ETV5: variants seen among roughly 807,000 people sequenced by gnomAD.
ETV5 encodes ETS translocation variant 5.
A neutral mutation model predicts 70.0 loss-of-function variants in ETV5; 10 were observed. The ratio of observed to expected loss-of-function variants is 0.14; its 90% confidence interval spans 0.09 to 0.24. The LOEUF is 0.24. Among genes scored for constraint, ETV5 ranks in the 10% least tolerant of loss-of-function variants. ETV5 has a pLI of 1.00. For missense variants in ETV5, 453 were observed against 651.2 expected (o/e 0.70, Z 3.31); for synonymous variants, 216 against 242.2 (o/e 0.89, Z 1.01).
chr3:186,073,016 T>C lies in ETV5; in HGVS notation c.650+6801A>G, dbSNP rs573109148. 1.2e-4 allele frequency among the ~76,000 whole-genome samples: 19 copies of C among 152,094 alleles called. 1 individual carries two copies. The South Asian group carries it at 3.5e-3, about 28-fold the overall frequency. On this transcript the variant is annotated intron_variant, in intron 7 of 12. Coordinates refer to ENST00000306376, the MANE Select transcript of ETV5 (RefSeq NM_004454.3). ...GTGTGGTGGTGTACTCCTGTAATCT[T>C]AGCTACTAGGGAGGCTAAGGCAGGA...
rs556850976 is a variant in ETV5 at position 186,047,092 on chromosome 3, G to A, written c.*1547C>T. ...AGTCAGCACTGCCTCCTTCACATAC[G>A]AGGAACAGTGTAGTCATTCTTAATG... On this transcript the variant is annotated 3_prime_UTR_variant, in exon 13 of 13. Coordinates refer to ENST00000306376, the MANE Select transcript of ETV5 (RefSeq NM_004454.3). 25 of 227,964 alleles carry A rather than the reference G, an allele frequency of 1.1e-4. No homozygotes were observed. The highest frequency in any genetic ancestry group is 1.7e-4 in the Non-Finnish European group (20 of 114,532). 14.1% of individuals were successfully genotyped at this position (227,964 alleles called of 1,614,324 possible).
At chr3:186,078,125 T>C in intron 7 of ETV5, 1 of 1,051,706 alleles carries the variant, frequency 9.5e-7, no homozygotes. Context: ...CAGCTGAGAC[T>C]GGGGCTACCC....
At chr3:186,108,691 C>A in intron 1 of ETV5, 1 of 1,153,284 alleles carries the variant, frequency 8.7e-7, no homozygotes, top group Non-Finnish European at 1.1e-6. Context: ...GCCTCCCCCA[C>A]GACGTGTGGA....
chr3:186,105,885 C>G lies in ETV5; in HGVS notation c.-17G>C, dbSNP rs762959301. ...CCCGTCCATGGTGCTTTCAGCGTCTCTAATACCACTTTGAGAGGTTTCAGC... is the reference window on the plus strand; with the variant it reads ...CCCGTCCATGGTGCTTTCAGCGTCTGTAATACCACTTTGAGAGGTTTCAGC... On this transcript the variant is annotated 5_prime_UTR_variant, in exon 2 of 13. Transcript: ENST00000306376. This position sits in a 1 kb window ranked among gnomAD's most constrained non-coding sequence, Gnocchi z 4.5. The G allele has an allele frequency of 1.2e-5, 19 of 1,613,302 alleles. No homozygotes were observed. The highest frequency in any genetic ancestry group is 1.6e-5 in the Non-Finnish European group (19 of 1,179,746).
chr3:186,088,933 A>AT (rs1714119579), intron 5 of ETV5, among the ~76,000 whole-genome samples: 1 of 152,212 alleles, frequency 6.6e-6, no homozygotes, highest in Admixed American at 6.5e-5. Flanking sequence ...GGTAAGACTT[A>AT]TTTTTTAAGT....
At chr3:186,068,511 G>C (rs1713508768) in intron 7 of ETV5, among the ~76,000 whole-genome samples, 1 of 152,128 alleles carries the variant, frequency 6.6e-6, no homozygotes. Context: ...AAAACCTGTT[G>C]CTACTAGTCG....
chr3:186,085,296 G>A (rs1032135092), intron 5 of ETV5, among the ~76,000 whole-genome samples: 2 of 152,028 alleles, frequency 1.3e-5, no homozygotes, highest in African/African-American at 2.4e-5. Flanking sequence ...AAGACAATAC[G>A]GGAGAAGACA....
chr3:186,094,173 T>A (rs190703784), intron 5 of ETV5, among the ~76,000 whole-genome samples: 29 of 152,292 alleles, frequency 1.9e-4, no homozygotes, highest in Admixed American at 1.4e-3. Flanking sequence ...AGGAAAGAAA[T>A]TCTTTGTATT....
chr3:186,053,031 G>A (rs921248177), intron 11 of ETV5, among the ~76,000 whole-genome samples: 5 of 151,840 alleles, frequency 3.3e-5, no homozygotes, highest in African/African-American at 7.3e-5. Flanking sequence ...AGGGGTCAGG[G>A]GTCACGTTTG....
intron 9 of ETV5, among the ~76,000 whole-genome samples, chr3:186,060,969 G>A (rs1713289296): frequency 6.6e-6 from 1 of 152,188 alleles, no homozygotes; most frequent in Admixed American, 6.5e-5. Context: ...CCATGCAGCT[G>A]TGCCCATCAC....
chr3:186,106,040 T>C (rs573417050), intron 1 of ETV5, 98 bp from the exon 2 acceptor site: 5 of 822,534 alleles, frequency 6.1e-6, no homozygotes, highest in African/African-American at 1.7e-5. Flanking sequence ...GCAAAATTAT[T>C]ACCCTTCTGT....
At chr3:186,094,738 T>G (rs1047738206) in intron 5 of ETV5, among the ~76,000 whole-genome samples, 3 of 152,216 alleles carry the variant, frequency 2.0e-5, no homozygotes, top group African/African-American at 7.2e-5. Context: ...TAAAAATATT[T>G]TATACAGGAT....
At chr3:186,106,936 T>G in intron 1 of ETV5, 1 of 984,872 alleles carries the variant, frequency 1.0e-6, no homozygotes, top group Non-Finnish European at 1.2e-6. Flanking sequence ...AAAACATTAA[T>G]TTCACTCACT....
At chr3:186,095,893 C>A (rs373986580) in intron 5 of ETV5, among the ~76,000 whole-genome samples, 1 of 152,122 alleles carries the variant, frequency 6.6e-6, no homozygotes, top group African/African-American at 2.4e-5. Flanking sequence ...GTAGGGAATG[C>A]GGTGGTGTGC....
In ETV5 at chr3:186,052,215, G is replaced by T; in HGVS notation, c.1210-84C>A. ...TCCCAATCCCAGCAGAGCCAGTTCT[G>T]TAACCTGACTGCTTTGGTCAATGAT... On this transcript the variant is annotated intron_variant, in intron 11 of 12. Coordinates refer to ENST00000306376, the MANE Select transcript of ETV5 (RefSeq NM_004454.3). This position sits in a 1 kb window ranked among gnomAD's most constrained non-coding sequence, Gnocchi z 4.5. 1 of 1,292,042 alleles carries T rather than the reference G, an allele frequency of 7.7e-7. No homozygotes were observed. The highest frequency in any genetic ancestry group is 1.1e-6 in the Non-Finnish European group (1 of 895,218). The allele number at this position is 1,292,042 out of a possible 1,614,324, so 80.0% of individuals were successfully genotyped here.
chr3:186,094,859 G>C (rs1037717686), intron 5 of ETV5, among the ~76,000 whole-genome samples: 5 of 151,994 alleles, frequency 3.3e-5, no homozygotes, highest in Admixed American at 2.6e-4. Context: ...CTGACTCCAG[G>C]AGAGTCAAGA....
At position 186,052,992 on chromosome 3, in the gene ETV5, A is replaced by G. The variant is rs991110059; in HGVS notation, c.1210-861T>C. ...GAATAACCCTGGAAATGTGAGTTTT[A>G]CTCAGAGGTTTTCAAATGTATGCAA... On this transcript the variant is annotated intron_variant, in intron 11 of 12. Transcript: ENST00000306376. The surrounding 1 kb of genome is among the most constrained non-coding windows in gnomAD (Gnocchi z 4.5). Among the ~76,000 whole-genome samples the G allele has an allele frequency of 6.6e-6, 1 of 151,980 alleles. No homozygotes were observed. The highest frequency in any genetic ancestry group is 2.4e-5 in the African/African-American group (1 of 41,378).
At chr3:186,108,441 C>T (rs914640177) in intron 1 of ETV5, 2 of 1,147,370 alleles carry the variant, frequency 1.7e-6, no homozygotes, top group South Asian at 2.6e-5. Context: ...CCCCCGCCCC[C>T]GCAGGCTGCA....
At chr3:186,099,104 G>A (rs559699528) in intron 5 of ETV5, among the ~76,000 whole-genome samples, 4 of 152,102 alleles carry the variant, frequency 2.6e-5, no homozygotes, top group South Asian at 2.1e-4. Flanking sequence ...GTCCTCTTAC[G>A]GGGAATTCTT....
Sources: allele counts gnomAD v4.1 joint callset (sites outside exome capture counted in the v4.1 genomes callset), GRCh38; gene constraint gnomAD v4.1.1; non-coding constraint Gnocchi (gnomAD v3.1); transcripts MANE v1.5; gene names NCBI Gene and HGNC (gene_info 2026-07-23, HGNC 2026-07-21).